Variants in P2RY12 observed in about 807,000 individuals in gnomAD.
The protein encoded by P2RY12 is P2Y purinoceptor 12.
P2RY12 carries 3 observed loss-of-function variants against 4.5 expected under a neutral mutation model. That is an observed-to-expected ratio of 0.67 (90% confidence interval 0.31 to 1.74). P2RY12 has a LOEUF of 1.74. P2RY12 is among the 40% of genes most tolerant of loss of function. P2RY12 has a pLI of 0.09. For missense variants in P2RY12, 356 were observed against 407.8 expected, an observed-to-expected ratio of 0.87 and a Z score of 1.09; for synonymous variants, 148 against 154.1, an observed-to-expected ratio of 0.96 and a Z score of 0.29.
chr3:151,339,701 C>T (rs1330386018), intron 2 of P2RY12, among the ~76,000 whole-genome samples: 2 of 151,648 alleles, frequency 1.3e-5, no homozygotes, highest in Non-Finnish European at 2.9e-5. Context: ...GTTGGCATTC[C>T]TCAAAACAGG....
intron 1 of P2RY12, among the ~76,000 whole-genome samples, chr3:151,350,733 CA>C (rs1301956366): frequency 6.6e-6 from 1 of 151,820 alleles, no homozygotes; most frequent in Non-Finnish European, 1.5e-5. Flanking sequence ...CCTATATCTC[CA>C]AATGATTTCA....
intron 1 of P2RY12, among the ~76,000 whole-genome samples, chr3:151,358,129 C>A (rs1754159710): frequency 6.6e-6 from 1 of 152,000 alleles, no homozygotes; most frequent in East Asian, 1.9e-4. Context: ...TAATCTAGCA[C>A]ATGTAATCAA....
At chr3:151,368,306 A>G in intron 1 of P2RY12, 1 of 1,471,602 alleles carries the variant, frequency 6.8e-7, no homozygotes, top group Non-Finnish European at 9.5e-7. Flanking sequence ...TAAAGTTTCT[A>G]AAATGACCAA....
chr3:151,338,069 G>A lies in P2RY12; in HGVS notation c.777C>T (p.Tyr259=). Residue 259 remains tyrosine, a synonymous_variant, in exon 3 of 3, where the codon TAC becomes TAT. Coordinates refer to ENST00000302632, the MANE Select transcript of P2RY12 (RefSeq NM_022788.5). ...FVPFHFARIP[Y]TLSQTRDVFD... is the part of the protein sequence containing the mutation. ...AGACATCCCGGGTTTGGCTCAGGGT[G>A]TAAGGAATTCGGGCAAAATGGAAAG... 3 of 1,614,050 alleles carry A rather than the reference G, an allele frequency of 1.9e-6. No individual in the cohort carries two copies. The highest frequency in any genetic ancestry group is 2.5e-6 in the Non-Finnish European group (3 of 1,179,926).
At position 151,338,520 on chromosome 3, in the gene P2RY12, T is replaced by C. The variant is rs751693118; in HGVS notation, c.326A>G (p.Tyr109Cys). The change falls in exon 3 of 3, where the codon TAT (tyrosine) becomes TGT (cysteine). Residue 109 changes from tyrosine (Y) to cysteine (C), a missense_variant. By Grantham distance (194) the Tyr-to-Cys change is radical. Coordinates refer to ENST00000302632, the MANE Select transcript of P2RY12 (RefSeq NM_022788.5). ...CAGTCCCAGGAATGAAATACTGATA[T>C]ACATTGTGAAATAAAATATGACGGA... Reference protein sequence around the residue: ...VTSVIFYFTMYISISFLGLIT... With the variant: ...VTSVIFYFTMCISISFLGLIT... 9 of 1,613,862 alleles carry C rather than the reference T, an allele frequency of 5.6e-6. No individual in the cohort carries two copies. Among genetic ancestry groups the C allele is most frequent in the East Asian group, 4.5e-5 (2 of 44,872 alleles).
chr3:151,352,888 A>C (rs1753412255), intron 1 of P2RY12, among the ~76,000 whole-genome samples: 1 of 152,234 alleles, frequency 6.6e-6, no homozygotes, highest in Non-Finnish European at 1.5e-5. Flanking sequence ...TAAGCAACAA[A>C]AGAGCAATAA....
At chr3:151,355,398 CAGGTTGCCTTCCTCGA>C (rs1338049545) in intron 1 of P2RY12, among the ~76,000 whole-genome samples, 1 of 152,108 alleles carries the variant, frequency 6.6e-6, no homozygotes, top group Non-Finnish European at 1.5e-5. Context: ...TTTTAAGTGT[CAGGTTGCCTTCCTCGA>C]AGGATTAATT....
intron 1 of P2RY12, chr3:151,380,347 AGCACTTTGGGAG>A (rs1712037431): frequency 1.6e-6 from 1 of 629,346 alleles, no homozygotes; most frequent in Admixed American, 3.7e-5. Context: ...CTGTAATCCC[AGCACTTTGGGAG>A]GCGGAGGCTG....
At chr3:151,367,536 T>G in intron 1 of P2RY12, 1 of 911,348 alleles carries the variant, frequency 1.1e-6, no homozygotes, top group Non-Finnish European at 1.6e-6. Flanking sequence ...TGCTGGTTCA[T>G]GTTGGGATTT....
chr3:151,382,737 C>G, intron 1 of P2RY12: 1 of 1,607,466 alleles, frequency 6.2e-7, no homozygotes, highest in South Asian at 1.1e-5. Flanking sequence ...GCAACTCCGC[C>G]TAAATTTGGT....
chr3:151,370,158 C>T (rs1002241944), intron 1 of P2RY12, among the ~76,000 whole-genome samples: 1 of 152,008 alleles, frequency 6.6e-6, no homozygotes, highest in Non-Finnish European at 1.5e-5. Flanking sequence ...AAGAATTTTC[C>T]TGGAATAATA....
chr3:151,347,582 G>A (rs556825062), intron 1 of P2RY12, among the ~76,000 whole-genome samples: 9 of 152,260 alleles, frequency 5.9e-5, no homozygotes, highest in South Asian at 2.1e-4. Flanking sequence ...AAGTGAAATC[G>A]TGGCTATGAG....
chr3:151,347,412 A>G (rs1752669830), intron 1 of P2RY12, among the ~76,000 whole-genome samples: 2 of 152,226 alleles, frequency 1.3e-5, no homozygotes. Context: ...TTACACACTA[A>G]TGAGGAAGAC....
chr3:151,384,179 G>A (rs762721689), intron 1 of P2RY12: 14 of 1,613,414 alleles, frequency 8.7e-6, no homozygotes, highest in South Asian at 2.2e-5. Flanking sequence ...GATCTGAAGA[G>A]AACAAGCGTG....
At position 151,368,961 on chromosome 3, in the gene P2RY12, C is replaced by T. The variant is rs186801581; in HGVS notation, c.-180+15731G>A. On this transcript the variant is annotated intron_variant, in intron 1 of 2. Transcript: ENST00000302632. ...ATTTTTAGTAGAGATGGGGATTTCACTGTGTTGGCCAGACTGGTCTTGAAC... is the reference window on the plus strand; with the variant it reads ...ATTTTTAGTAGAGATGGGGATTTCATTGTGTTGGCCAGACTGGTCTTGAAC... 6.6e-3 allele frequency among the ~76,000 whole-genome samples: 1,010 copies of T among 152,076 alleles called. 9 individuals are homozygous for T. Among genetic ancestry groups the T allele is most frequent in the Non-Finnish European group, 0.011 (760 of 67,984 alleles).
intron 1 of P2RY12, among the ~76,000 whole-genome samples, chr3:151,366,371 G>A (rs1328426760): frequency 1.3e-5 from 2 of 152,116 alleles, no homozygotes; most frequent in Non-Finnish European, 2.9e-5. Context: ...TTCTGAAGAA[G>A]GCCACTTTGA....
chr3:151,360,806 T>A (rs1260166403), intron 1 of P2RY12, among the ~76,000 whole-genome samples: 1 of 152,180 alleles, frequency 6.6e-6, no homozygotes, highest in East Asian at 1.9e-4. Context: ...TTACACAATG[T>A]AAATGTGTGA....
At chr3:151,368,556 A>G (rs1249318348) in intron 1 of P2RY12, among the ~76,000 whole-genome samples, 1 of 150,972 alleles carries the variant, frequency 6.6e-6, no homozygotes, top group East Asian at 1.9e-4. Flanking sequence ...TTGGTTCTGA[A>G]CCACATCACA....
rs1751282754 is a variant in P2RY12 at position 151,338,167 on chromosome 3, C to T, written c.679G>A (p.Gly227Ser). The change falls in exon 3 of 3, where the codon GGT becomes AGT. Residue 227 changes from glycine to serine, a missense_variant. Physicochemically the swap from Gly to Ser is moderately conservative, Grantham distance 56. Transcript: ENST00000302632. ...TTCACCTTTTTCCTGGGGACTTTAC[C>T]TACACCCCTCGTTCTTACGTATGAC... ...YRSYVRTRGV[G>S]KVPRKKVNVK... The T allele has an allele frequency of 1.2e-6, 2 of 1,613,914 alleles. No individual in the cohort carries two copies. The highest frequency in any genetic ancestry group is 1.3e-5 in the African/African-American group (1 of 74,904).
Sources: allele counts gnomAD v4.1 joint callset (sites outside exome capture counted in the v4.1 genomes callset), GRCh38; gene constraint gnomAD v4.1.1; transcripts MANE v1.5; gene names NCBI Gene and HGNC (gene_info 2026-07-23, HGNC 2026-07-21).